The following RSPO2 variants were observed in gnomAD, a reference collection of about 807,000 sequenced individuals.
The protein encoded by RSPO2 is R-spondin-2.
In RSPO2, 14 loss-of-function variants were observed where a neutral mutation model predicts 30.9. The ratio of observed to expected loss-of-function variants is 0.45; its 90% confidence interval spans 0.30 to 0.71. The LOEUF is 0.71. Ranked by LOEUF, RSPO2 falls within the 30% of genes least tolerant of loss-of-function variation. RSPO2 has a pLI of 0.08. For missense variants in RSPO2, 264 were observed against 301.9 expected (o/e 0.87, Z 0.93); for synonymous variants, 107 against 96.4 (o/e 1.11, Z -0.64).
intron 5 of RSPO2, among the ~76,000 whole-genome samples, chr8:107,951,359 A>C (rs1813240747): frequency 1.3e-5 from 2 of 152,204 alleles, no homozygotes; most frequent in South Asian, 2.1e-4. Flanking sequence ...ACTGAGAATA[A>C]GTTGTTCTAA....
At chr8:108,003,305 ATATATATTTTTTTT>A (rs1815334312) in intron 2 of RSPO2, among the ~76,000 whole-genome samples, 3 of 26,436 alleles carry the variant, frequency 1.1e-4, no homozygotes, top group African/African-American at 6.4e-4. Context: ...ATATATATAT[ATATATATTTTTTTT>A]TTTTTTTTTT....
intron 2 of RSPO2, among the ~76,000 whole-genome samples, chr8:108,074,136 C>T (rs1055829223): frequency 2.0e-5 from 3 of 152,086 alleles, no homozygotes; most frequent in African/African-American, 4.8e-5. Flanking sequence ...GTTAAGAAAC[C>T]CTTCTGAAAA....
chr8:108,023,199 A>G (rs1292710084), intron 2 of RSPO2, among the ~76,000 whole-genome samples: 1 of 152,216 alleles, frequency 6.6e-6, no homozygotes, highest in Non-Finnish European at 1.5e-5. Context: ...CTCTTCAGAA[A>G]TACTAAGAAC....
chr8:108,002,693 A>G (rs1815290956), intron 2 of RSPO2, among the ~76,000 whole-genome samples: 1 of 152,220 alleles, frequency 6.6e-6, no homozygotes, highest in African/African-American at 2.4e-5. Context: ...GGTGTCATAA[A>G]CACAGCCCTC....
intron 5 of RSPO2, among the ~76,000 whole-genome samples, chr8:107,912,738 T>C (rs908209222): frequency 6.6e-6 from 1 of 152,146 alleles, no homozygotes; most frequent in Non-Finnish European, 1.5e-5. Flanking sequence ...AGTTGGCACT[T>C]CAAAAACTAA....
At chr8:107,923,940 G>A in intron 5 of RSPO2, among the ~76,000 whole-genome samples, 1 of 151,960 alleles carries the variant, frequency 6.6e-6, no homozygotes, top group East Asian at 1.9e-4. Flanking sequence ...GGGCCTATCG[G>A]GGGTTGAGAG....
chr8:107,983,028 T>G, intron 3 of RSPO2: 1 of 932,926 alleles, frequency 1.1e-6, no homozygotes, highest in Admixed American at 2.7e-5. Flanking sequence ...CCACAGTCTC[T>G]GCGGCTGTGT....
chr8:108,058,920 T>C (rs1283818614), intron 2 of RSPO2, among the ~76,000 whole-genome samples: 8 of 151,620 alleles, frequency 5.3e-5, no homozygotes, highest in Non-Finnish European at 2.9e-5. Flanking sequence ...GGCATTACCA[T>C]TCAGGACATA....
At chr8:107,956,581 T>C (rs191394683) in intron 5 of RSPO2, among the ~76,000 whole-genome samples, 45 of 152,298 alleles carry the variant, frequency 3.0e-4, no homozygotes, top group Middle Eastern at 3.4e-3. Flanking sequence ...TGTGGCTAGG[T>C]CAAAATAAAG....
chr8:107,919,909 C>T (rs995344286), intron 5 of RSPO2, among the ~76,000 whole-genome samples: 4 of 152,030 alleles, frequency 2.6e-5, no homozygotes, highest in African/African-American at 4.8e-5. Context: ...TGAGTCAAAA[C>T]GAATCACTGC....
chr8:108,039,415 G>A (rs1329132422), intron 2 of RSPO2, among the ~76,000 whole-genome samples: 3 of 152,048 alleles, frequency 2.0e-5, no homozygotes, highest in African/African-American at 7.2e-5. Context: ...TATACAGGGG[G>A]TGAAAATGAA....
Position 108,070,278 on chromosome 8 carries a change from CTT to C in RSPO2, c.94+12265_94+12266del, listed in dbSNP as rs1050611219. On this transcript the variant is annotated intron_variant, in intron 2 of 5. Transcript: ENST00000276659. ...TGGGCAACACAGCAAGACCCCATCT[CTT>C]TTTTTTTTTTTTTTTTTTTTTTTGA... 9.8e-3 allele frequency among the ~76,000 whole-genome samples: 793 copies of C among 81,134 alleles called. 4 individuals carry two copies. Among genetic ancestry groups the C allele is most frequent in the African/African-American group, 0.03 (616 of 20,596 alleles). 53.2% of individuals were successfully genotyped at this position (81,134 alleles called of 152,430 possible). A position where few individuals can be genotyped will look rare whatever the true frequency, so the allele number is the denominator to read the frequency against.
chr8:107,976,198 C>T (rs1030756863), intron 3 of RSPO2, among the ~76,000 whole-genome samples: 1 of 152,230 alleles, frequency 6.6e-6, no homozygotes, highest in Non-Finnish European at 1.5e-5. Context: ...GGAAAAAATC[C>T]TAACCCTATC....
intron 4 of RSPO2, among the ~76,000 whole-genome samples, chr8:107,959,321 G>T: frequency 6.6e-6 from 1 of 152,252 alleles, no homozygotes. Flanking sequence ...TACTACATAC[G>T]TAAAAACTTT....
chr8:108,082,061 A>G (rs925064254), intron 2 of RSPO2: 3 of 230,346 alleles, frequency 1.3e-5, no homozygotes, highest in Non-Finnish European at 2.2e-5. Context: ...CCCACACACC[A>G]CACACACACT....
intron 5 of RSPO2, among the ~76,000 whole-genome samples, chr8:107,933,833 G>C (rs1025734387): frequency 3.9e-5 from 6 of 152,148 alleles, no homozygotes; most frequent in Non-Finnish European, 8.8e-5. Context: ...CAATAATCTA[G>C]TTTTAAGTTG....
intron 2 of RSPO2, among the ~76,000 whole-genome samples, chr8:107,995,758 T>A (rs1382901109): frequency 6.6e-6 from 1 of 152,134 alleles, no homozygotes; most frequent in Non-Finnish European, 1.5e-5. Context: ...ACCTTTGTCA[T>A]TTCCATGAAT....
intron 3 of RSPO2, among the ~76,000 whole-genome samples, chr8:107,974,568 A>G (rs897193195): frequency 6.6e-6 from 1 of 152,122 alleles, no homozygotes; most frequent in African/African-American, 2.4e-5. Context: ...CACCAGTGCA[A>G]TATCAGTATT....
chr8:108,081,212 T>C (rs542435071), intron 2 of RSPO2, among the ~76,000 whole-genome samples: 2 of 152,312 alleles, frequency 1.3e-5, no homozygotes, highest in Middle Eastern at 3.4e-3. Context: ...ATCAGTTATT[T>C]GGAGCTCTGC....
Sources: allele counts gnomAD v4.1 joint callset (sites outside exome capture counted in the v4.1 genomes callset), GRCh38; gene constraint gnomAD v4.1.1; transcripts MANE v1.5; gene names NCBI Gene and HGNC (gene_info 2026-07-23, HGNC 2026-07-21).